Variants in RBFOX1 observed in about 807,000 individuals in gnomAD.
RBFOX1 encodes RNA binding fox-1 homolog 1.
Under a neutral mutation model 57.7 loss-of-function variants are expected in RBFOX1, and 8 were observed. The ratio of observed to expected loss-of-function variants is 0.14; its 90% CI spans 0.08 to 0.25. RBFOX1 has a LOEUF of 0.25. Ranked by LOEUF, RBFOX1 falls within the 10% of genes least tolerant of loss-of-function variation. The probability of loss-of-function intolerance (pLI) is 1.00; values close to 1 mark genes in which losing one functional copy is unlikely to be tolerated. For missense variants in RBFOX1, 611 were observed against 548.5 expected (o/e 1.11, Z -1.14); for synonymous variants, 326 against 222.4 (o/e 1.47, Z -4.15).
intron 3 of RBFOX1, among the ~76,000 whole-genome samples, chr16:6,842,582 A>G (rs6500847): frequency 0.53 from 80,229 of 151,046 alleles, 22,750 homozygotes; most frequent in East Asian, 0.87. Context: ...TCCATTGTAT[A>G]GACATACTTA....
intron 3 of RBFOX1, among the ~76,000 whole-genome samples, chr16:6,877,898 C>T (rs927505104): frequency 2.0e-5 from 3 of 152,218 alleles, no homozygotes; most frequent in East Asian, 1.9e-4. Context: ...AGACTAAGAA[C>T]TTAGGATCTT....
At chr16:7,036,208 T>TG in intron 3 of RBFOX1, among the ~76,000 whole-genome samples, 1 of 151,878 alleles carries the variant, frequency 6.6e-6, no homozygotes, top group South Asian at 2.1e-4. Context: ...TGACATTTTT[T>TG]TTTTTTTCCA....
chr16:6,614,397 G>T (rs1192482488), intron 2 of RBFOX1, among the ~76,000 whole-genome samples: 2 of 152,142 alleles, frequency 1.3e-5, no homozygotes, highest in African/African-American at 2.4e-5. Flanking sequence ...ATTGGTATCT[G>T]CCTAGAAAGA....
chr16:7,593,758 G>C (rs2094556495), intron 7 of RBFOX1, among the ~76,000 whole-genome samples: 1 of 152,050 alleles, frequency 6.6e-6, no homozygotes, highest in Non-Finnish European at 1.5e-5. Flanking sequence ...CATTCCACGG[G>C]GTGACTGTGG....
rs1374351168 is a variant in RBFOX1, at chr16:6,498,247, G to A, written c.-63-156356G>A. On this transcript the variant is annotated intron_variant, in intron 2 of 15. Coordinates refer to ENST00000550418, the MANE Select transcript of RBFOX1 (RefSeq NM_018723.4). ...AGCCTGGGTGACAGAGAGGAACTCC[G>A]TCTCAAAACAAAAAAAAAAAAAAGG... Among the ~76,000 whole-genome samples, 12 of 120,474 alleles carry A rather than the reference G, an allele frequency of 1.0e-4. 1 individual carries two copies. The South Asian group carries it at 1.0e-3, about 10-fold the overall frequency. 79.0% of individuals were successfully genotyped at this position (120,474 alleles called of 152,430 possible). A position where few individuals can be genotyped will look rare whatever the true frequency, so the allele number is the denominator to read the frequency against.
intron 4 of RBFOX1, among the ~76,000 whole-genome samples, chr16:5,904,590 T>A (rs530127806): frequency 2.0e-5 from 3 of 151,972 alleles, no homozygotes; most frequent in Non-Finnish European, 4.4e-5. Flanking sequence ...TGGGCTAAGA[T>A]GTGAAATGTT....
chr16:6,619,305 T>C (rs922999593), intron 2 of RBFOX1, among the ~76,000 whole-genome samples: 28 of 152,142 alleles, frequency 1.8e-4, no homozygotes, highest in African/African-American at 6.8e-4. Context: ...GCCTTATAAC[T>C]CTCGTTTGCA....
Position 6,142,070 on chromosome 16 carries a change from A to C in RBFOX1, c.-127+122078A>C, listed in dbSNP as rs116893253. Among the ~76,000 whole-genome samples, 51 of 149,496 alleles carry C rather than the reference A, an allele frequency of 3.4e-4. 2 individuals are homozygous for C. The East Asian group carries it at 9.6e-3, about 28-fold the overall frequency. On this transcript the variant is annotated intron_variant, in intron 1 of 15. Transcript: ENST00000550418. The stretch of plus-strand genomic sequence containing the variant: ...AAAGAAAAAAAAAATCTATAATCTC[A>C]TCACCTGGAATACTGCTTCTTGCTT...
intron 4 of RBFOX1, among the ~76,000 whole-genome samples, chr16:7,158,108 G>A (rs1180713410): frequency 6.6e-6 from 1 of 152,080 alleles, no homozygotes; most frequent in Non-Finnish European, 1.5e-5. Context: ...CAGCATTTTG[G>A]GAGGACAAGG....
chr16:5,549,885 T>C (rs1209642456), intron 2 of RBFOX1, among the ~76,000 whole-genome samples: 1 of 152,136 alleles, frequency 6.6e-6, no homozygotes, highest in Non-Finnish European at 1.5e-5. Context: ...GGCCCAGGTG[T>C]GGATGAGTGT....
At chr16:7,025,084 G>A (rs554030509) in intron 3 of RBFOX1, among the ~76,000 whole-genome samples, 57 of 152,256 alleles carry the variant, frequency 3.7e-4, no homozygotes, top group Middle Eastern at 3.4e-3. Context: ...AGAGTGAAGC[G>A]AAAGTATGTT....
intron 13 of RBFOX1, among the ~76,000 whole-genome samples, chr16:7,666,437 A>G (rs150121467): frequency 4.1e-4 from 63 of 152,338 alleles, no homozygotes; most frequent in African/African-American, 1.4e-3. Context: ...GTATTTCACA[A>G]TCATTTAGTG....
At chr16:7,122,606 C>G (rs1233359118) in intron 4 of RBFOX1, among the ~76,000 whole-genome samples, 1 of 152,156 alleles carries the variant, frequency 6.6e-6, no homozygotes, top group African/African-American at 2.4e-5. Flanking sequence ...CTGGATTTCT[C>G]CTGTACTGCT....
At chr16:6,664,445 G>T (rs774826800) in intron 3 of RBFOX1, among the ~76,000 whole-genome samples, 1 of 152,160 alleles carries the variant, frequency 6.6e-6, no homozygotes, top group African/African-American at 2.4e-5. Flanking sequence ...AAATCATCTT[G>T]TATCTACAGA....
intron 5 of RBFOX1, among the ~76,000 whole-genome samples, chr16:7,523,768 C>A (rs963315666): frequency 2.0e-5 from 3 of 152,170 alleles, no homozygotes; most frequent in African/African-American, 7.2e-5. Context: ...ACAATTACAT[C>A]TGTATACTCA....
chr16:7,523,463 A>G (rs2077964402), intron 5 of RBFOX1, among the ~76,000 whole-genome samples: 1 of 152,232 alleles, frequency 6.6e-6, no homozygotes, highest in Non-Finnish European at 1.5e-5. Context: ...GAACTTGGGC[A>G]AACATGTCAG....
intron 2 of RBFOX1, among the ~76,000 whole-genome samples, chr16:5,513,960 T>G (rs2043696118): frequency 1.3e-5 from 2 of 152,236 alleles, no homozygotes; most frequent in South Asian, 4.1e-4. Flanking sequence ...TCATGATGAA[T>G]AAAATACCAA....
At chr16:6,430,289 T>A (rs1567253346) in intron 2 of RBFOX1, among the ~76,000 whole-genome samples, 1 of 152,042 alleles carries the variant, frequency 6.6e-6, no homozygotes, top group South Asian at 2.1e-4. Context: ...AGACTCAGTC[T>A]CTCCTCTTGA....
chr16:7,144,083 T>G (rs983311605), intron 4 of RBFOX1, among the ~76,000 whole-genome samples: 5 of 152,324 alleles, frequency 3.3e-5, no homozygotes, highest in Non-Finnish European at 7.4e-5. Context: ...GCTTTTTCCC[T>G]TGGGGGAAAA....
Sources: gnomAD v4.1 joint callset for allele counts (sites outside exome capture counted in the v4.1 genomes callset) on GRCh38, gnomAD v4.1.1 for gene constraint, MANE v1.5 for transcripts, NCBI Gene and HGNC (gene_info 2026-07-23, HGNC 2026-07-21) for gene names.